Variants in PLEKHG1 observed in about 807,000 individuals in gnomAD.
PLEKHG1 encodes the protein pleckstrin homology domain-containing family G member 1.
PLEKHG1 carries 44 observed loss-of-function variants against 100.8 expected under a neutral mutation model. That is an observed-to-expected ratio of 0.44 (90% CI 0.34 to 0.56). The LOEUF (loss-of-function observed/expected upper bound fraction) is 0.56. PLEKHG1 is among the 20% of genes least tolerant of loss of function. PLEKHG1 has a pLI of 0.01. For synonymous variants in PLEKHG1, 640 were observed against 662.5 expected (o/e 0.97, Z 0.52); for missense variants, 1,545 against 1,720.9 (o/e 0.90, Z 1.81).
At chr6:150,789,937 C>A (rs1253877865) in intron 4 of PLEKHG1, among the ~76,000 whole-genome samples, 1 of 152,168 alleles carries the variant, frequency 6.6e-6, no homozygotes, top group Non-Finnish European at 1.5e-5. Flanking sequence ...TGCCTGGTCT[C>A]CTGGGGATGG....
chr6:150,651,894 G>A (rs1778761472), intron 3 of PLEKHG1: 1 of 151,884 alleles, frequency 6.6e-6, no homozygotes, highest in South Asian at 2.1e-4. Context: ...ATTTTGTATA[G>A]AATAATGACA....
chr6:150,810,527 A>AAAGAAAGAAAGAAAGAAAGAAAGAAAGG (rs1562540240), intron 10 of PLEKHG1, among the ~76,000 whole-genome samples: 6 of 88,060 alleles, frequency 6.8e-5, no homozygotes, highest in African/African-American at 1.8e-4. Flanking sequence ...AGAAAGAAAG[A>AAAGAAAGAAAGAAAGAAAGAAAGAAAGG]AAGAAAGAAA....
rs1349246764 is a variant in PLEKHG1 at position 150,760,965 on chromosome 6, G to A, written c.412-7673G>A. Among the ~76,000 whole-genome samples, 5 of 151,892 alleles carry A rather than the reference G, an allele frequency of 3.3e-5. No homozygotes were observed. The East Asian group carries it at 9.6e-4, about 29-fold the overall frequency. The stretch of plus-strand genomic sequence containing the variant: ...GGTAATATAAGGAACTGATTTTAGT[G>A]TTATGTTTATACCAAACTGCTTTTC... On this transcript the variant is annotated intron_variant, in intron 2 of 15. Coordinates refer to ENST00000358517, the Ensembl canonical transcript of PLEKHG1.
intron 1 of PLEKHG1, among the ~76,000 whole-genome samples, chr6:150,626,751 A>G (rs551751105): frequency 6.6e-6 from 1 of 152,310 alleles, no homozygotes; most frequent in South Asian, 2.1e-4. Context: ...CATGAAGGAC[A>G]ATATCCTACC....
intron 1 of PLEKHG1, among the ~76,000 whole-genome samples, chr6:150,618,092 T>A (rs902866157): frequency 3.3e-5 from 5 of 152,282 alleles, no homozygotes; most frequent in African/African-American, 9.6e-5. Flanking sequence ...GTAATTTATA[T>A]TGATTCTCAT....
At chr6:150,666,794 T>C (rs1779405657) in intron 3 of PLEKHG1, among the ~76,000 whole-genome samples, 1 of 151,128 alleles carries the variant, frequency 6.6e-6, no homozygotes, top group Admixed American at 6.6e-5. Context: ...GGAGTCTCAC[T>C]CTGTCGCCCA....
rs1436326383 is a variant in PLEKHG1 at position 150,600,352 on chromosome 6, C to A, written c.-204+335C>A. The stretch of plus-strand genomic sequence containing the variant: ...CCCCAAGTTCCCGGTGCTCCCGCCC[C>A]TCGCCCCAGCGGCTGCAACATCAGC... On this transcript the variant is annotated intron_variant, in intron 1 of 3. Coordinates refer to the PLEKHG1 transcript ENST00000367326. The surrounding 1 kb of genome is among the most constrained non-coding windows in gnomAD (Gnocchi z 6.2). Among the ~76,000 whole-genome samples, 1 of 152,010 alleles carries A rather than the reference C, an allele frequency of 6.6e-6. No individual in the cohort carries two copies. Among genetic ancestry groups the A allele is most frequent in the African/African-American group, 2.4e-5 (1 of 41,402 alleles).
At chr6:150,749,055 G>A (rs1431662862) in intron 2 of PLEKHG1, among the ~76,000 whole-genome samples, 1 of 152,076 alleles carries the variant, frequency 6.6e-6, no homozygotes, top group Non-Finnish European at 1.5e-5. Flanking sequence ...GCACCGACCT[G>A]GCATAACATA....
At chr6:150,758,163 T>C (rs997124870) in intron 2 of PLEKHG1, among the ~76,000 whole-genome samples, 10 of 152,186 alleles carry the variant, frequency 6.6e-5, no homozygotes, top group Non-Finnish European at 1.5e-4. Flanking sequence ...ATCTTTATAA[T>C]AGAATGATTT....
chr6:150,814,642 A>G (rs2128673527), intron 10 of PLEKHG1, among the ~76,000 whole-genome samples: 1 of 146,372 alleles, frequency 6.8e-6, no homozygotes, highest in African/African-American at 2.6e-5. Context: ...CCAAGCCTGG[A>G]TTGGTCTATC....
intron 14 of PLEKHG1, chr6:150,827,740 T>A: frequency 1.5e-6 from 2 of 1,378,734 alleles, no homozygotes; most frequent in Non-Finnish European, 1.0e-6. Context: ...AGGAAAGAAT[T>A]GGAAGAATTG....
intron 4 of PLEKHG1, among the ~76,000 whole-genome samples, chr6:150,787,177 C>T (rs1414642413): frequency 6.6e-6 from 1 of 152,042 alleles, no homozygotes; most frequent in South Asian, 2.1e-4. Flanking sequence ...CTAGCCTAGT[C>T]TCTATAATTA....
chr6:150,826,184 G>A lies in PLEKHG1; in HGVS notation c.1470+2508G>A, dbSNP rs182067096. On this transcript the variant is annotated intron_variant, in intron 14 of 15. Coordinates refer to ENST00000358517, the Ensembl canonical transcript of PLEKHG1. ...GCAACAAGAGCAAAAAAGGCTGGGCGCGGTGGCTCACACCTGTAATCCCGG... is the reference window on the plus strand; with the variant it reads ...GCAACAAGAGCAAAAAAGGCTGGGCACGGTGGCTCACACCTGTAATCCCGG... Among the ~76,000 whole-genome samples the A allele has an allele frequency of 8.6e-5, 13 of 151,488 alleles. No individual in the cohort carries two copies. The East Asian group carries it at 1.8e-3, about 21-fold the overall frequency.
At chr6:150,631,020 G>A (rs1230552818) in intron 1 of PLEKHG1, among the ~76,000 whole-genome samples, 4 of 152,152 alleles carry the variant, frequency 2.6e-5, no homozygotes, top group Non-Finnish European at 4.4e-5. Flanking sequence ...AGTGGAGGGG[G>A]CCAAAGTCTG....
exon 9 of PLEKHG1, chr6:150,809,444 T>G: frequency 6.2e-7 from 1 of 1,613,888 alleles, no homozygotes; most frequent in Non-Finnish European, 8.5e-7. Flanking sequence ...CGTCTTCCAC[T>G]ACAAGAATCC....
upstream of PLEKHG1, among the ~76,000 whole-genome samples, chr6:150,718,085 A>T (rs938675149): frequency 6.6e-6 from 1 of 152,188 alleles, no homozygotes; most frequent in African/African-American, 2.4e-5. Context: ...TCAAAAAAAT[A>T]AATTAATTAG....
intron 3 of PLEKHG1, among the ~76,000 whole-genome samples, chr6:150,669,658 G>A (rs565101053): frequency 2.1e-4 from 31 of 147,794 alleles, no homozygotes; most frequent in Non-Finnish European, 2.7e-4. Flanking sequence ...GTGCAGTTGC[G>A]CGATCATGCC....
intron 2 of PLEKHG1, among the ~76,000 whole-genome samples, chr6:150,740,511 C>T (rs1291402700): frequency 6.6e-6 from 1 of 152,216 alleles, no homozygotes. Context: ...CATATTTTCC[C>T]TCCAATTTAA....
In PLEKHG1 at chr6:150,831,845, C is replaced by T. The variant is rs577061631; in HGVS notation, c.2734C>T (p.Arg912Cys). ...GAAGAGCAGGGCTGGCAGAGCCAGCCGCGCCAACTGCCCCTTTGAGGAAGA... is the reference window on the plus strand; with the variant it reads ...GAAGAGCAGGGCTGGCAGAGCCAGCTGCGCCAACTGCCCCTTTGAGGAAGA... Residue 912 changes from arginine (R) to cysteine (C), a missense_variant, in exon 15 of 16, where the codon CGC (arginine) becomes TGC (cysteine). Arg to Cys is a radical substitution (Grantham distance 180, BLOSUM62 -3). Coordinates refer to ENST00000358517, the Ensembl canonical transcript of PLEKHG1. This position sits in a 1 kb window ranked among gnomAD's most constrained non-coding sequence, Gnocchi z 4.1. 1.9e-5 allele frequency: 30 copies of T among 1,612,754 alleles called. No individual in the cohort carries two copies. Among genetic ancestry groups the T allele is most frequent in the South Asian group, 1.4e-4 (13 of 91,046 alleles).
Sources: allele counts gnomAD v4.1 joint callset (sites outside exome capture counted in the v4.1 genomes callset), GRCh38; gene constraint gnomAD v4.1.1; non-coding constraint Gnocchi (gnomAD v3.1); transcripts MANE v1.5; gene names NCBI Gene and HGNC (gene_info 2026-07-23, HGNC 2026-07-21).